MIS18BP1: variants seen among roughly 807,000 people sequenced by gnomAD.
MIS18BP1 encodes the protein mis18-binding protein 1.
A neutral mutation model predicts 116.1 loss-of-function variants in MIS18BP1; 72 were observed. That is an observed-to-expected ratio of 0.62 (90% CI 0.51 to 0.75). The LOEUF is 0.75. Among genes scored for constraint, MIS18BP1 ranks in the 30% least tolerant of loss-of-function variants. The pLI is 0.00. For missense variants in MIS18BP1, 1,363 were observed against 1,303.2 expected, an observed-to-expected ratio of 1.05 and a Z score of -0.71; for synonymous variants, 386 against 427.0, an observed-to-expected ratio of 0.90 and a Z score of 1.18.
chr14:45,208,489 C>T (rs547471994), intron 14 of MIS18BP1, among the ~76,000 whole-genome samples: 1 of 152,140 alleles, frequency 6.6e-6, no homozygotes, highest in East Asian at 1.9e-4. Context: ...CACACCACCA[C>T]ATCCGGCTAA....
At position 45,242,873 on chromosome 14, in the gene MIS18BP1, G is replaced by A. The variant is rs1891622759; in HGVS notation, c.546C>T (p.Ala182=). 1.3e-6 allele frequency: 2 copies of A among 1,570,050 alleles called. No individual in the cohort carries two copies. The highest frequency in any genetic ancestry group is 1.4e-5 in the African/African-American group (1 of 72,636). Residue 182 remains alanine (A), a splice_region_variant and synonymous_variant, in exon 3 of 17, where the codon GCC becomes GCT. Transcript: ENST00000310806. ...SFQSDDSSLR[A]SVQGVPLESS... ...ATTCTAGAGGAACTCCTTGGACTGA[G>A]GCTAAGGTTTTATTTTTTAAAGAAA...
At chr14:45,242,911 T>C (rs762808484) in intron 2 of MIS18BP1, 37 bp from the exon 3 acceptor site, 40 of 1,379,290 alleles carry the variant, frequency 2.9e-5, no homozygotes, top group Admixed American at 8.6e-5. Flanking sequence ...AGAAGTTGAA[T>C]TGTATTAGTC....
intron 11 of MIS18BP1, among the ~76,000 whole-genome samples, chr14:45,218,965 A>AG: frequency 6.6e-6 from 1 of 152,134 alleles, no homozygotes; most frequent in East Asian, 1.9e-4. Context: ...CTCTTAATTA[A>AG]GGAAAATGAA....
chr14:45,240,807 CAGG>C (rs1891555259), intron 4 of MIS18BP1, among the ~76,000 whole-genome samples: 2 of 151,928 alleles, frequency 1.3e-5, no homozygotes, highest in Admixed American at 6.6e-5. Context: ...GAGGCTGAGG[CAGG>C]AGATTTGCAT....
chr14:45,252,299 G>C (rs779843933), intron 1 of MIS18BP1, among the ~76,000 whole-genome samples: 1 of 152,124 alleles, frequency 6.6e-6, no homozygotes, highest in Non-Finnish European at 1.5e-5. Context: ...TTTACTCTAT[G>C]TATTCAATAA....
rs762043001 is a variant in MIS18BP1 at position 45,223,958 on chromosome 14, C to T, written c.2629G>A (p.Asp877Asn). ...AACTCCTTCTCATTCCATTCCTTAT[C>T]CTGAATTAAACCAGGTAAGCATTCT... Reference protein sequence around the residue: ...PLECLPGLIQDKEWNEKELQK... With the variant: ...PLECLPGLIQNKEWNEKELQK... The change falls in exon 11 of 17, where the codon GAT becomes AAT. Residue 877 changes from aspartate (D) to asparagine (N), a missense_variant. Transcript: ENST00000310806. 16 of 1,598,038 alleles carry T rather than the reference C, an allele frequency of 1.0e-5. No individual in the cohort carries two copies. Among genetic ancestry groups the T allele is most frequent in the African/African-American group, 1.4e-5 (1 of 73,770 alleles).
intron 6 of MIS18BP1, 90 bp from the exon 7 acceptor site, chr14:45,232,910 G>T: frequency 1.5e-6 from 1 of 658,552 alleles, no homozygotes; most frequent in African/African-American, 1.8e-5. Flanking sequence ...CAAGAAATAT[G>T]CACCTATTGC....
intron 6 of MIS18BP1, among the ~76,000 whole-genome samples, chr14:45,233,596 T>C (rs1376592493): frequency 1.3e-5 from 2 of 152,144 alleles, no homozygotes; most frequent in Non-Finnish European, 2.9e-5. Context: ...GAGGAAAGTC[T>C]GGACTACAGT....
chr14:45,251,660 G>T (rs1197750101), intron 1 of MIS18BP1, among the ~76,000 whole-genome samples: 1 of 151,410 alleles, frequency 6.6e-6, no homozygotes, highest in Non-Finnish European at 1.5e-5. Context: ...TATGACAAAG[G>T]GCTAATTTAA....
chr14:45,244,884 C>T (rs1162413362), intron 2 of MIS18BP1, among the ~76,000 whole-genome samples: 2 of 152,174 alleles, frequency 1.3e-5, no homozygotes, highest in Non-Finnish European at 2.9e-5. Context: ...TCTGGTCAAA[C>T]CGCTAATGAT....
At chr14:45,226,677 C>A in intron 10 of MIS18BP1, 66 bp downstream of exon 10, 1 of 1,186,058 alleles carries the variant, frequency 8.4e-7, no homozygotes, top group Non-Finnish European at 1.1e-6. Context: ...TCACTTTTAT[C>A]ATATTAAAAA....
chr14:45,234,609 T>C (rs562956886), intron 6 of MIS18BP1, among the ~76,000 whole-genome samples: 3 of 152,320 alleles, frequency 2.0e-5, no homozygotes, highest in Admixed American at 6.5e-5. Flanking sequence ...ATTGGAGATT[T>C]GTCAAAATAT....
In MIS18BP1 at chr14:45,224,404, A is replaced by G; in HGVS notation, c.2183T>C (p.Ile728Thr). ...DLLTVNRKIK[I>T]SNLEKEQMLT... is the part of the protein sequence containing the mutation. ...CATTTGTTCCTTTTCAAGGTTAGAT[A>G]TTTTTATTTTCCGGTTGACAGTAAG... Residue 728 changes from isoleucine (I) to threonine (T), a missense_variant, in exon 11 of 17, where the codon ATA (isoleucine) becomes ACA (threonine). By Grantham distance (89) the Ile-to-Thr change is moderately conservative. Transcript: ENST00000310806. 1 of 1,613,706 alleles carries G rather than the reference A, an allele frequency of 6.2e-7. No homozygotes were observed. The highest frequency in any genetic ancestry group is 8.5e-7 in the Non-Finnish European group (1 of 1,179,914).
chr14:45,251,562 C>T (rs1043037625), intron 1 of MIS18BP1, among the ~76,000 whole-genome samples: 1 of 151,930 alleles, frequency 6.6e-6, no homozygotes, highest in African/African-American at 2.4e-5. Context: ...CCAGAGCACA[C>T]TAACCAAAAC....
chr14:45,217,765 G>A (rs1890863661), intron 12 of MIS18BP1, among the ~76,000 whole-genome samples: 1 of 152,092 alleles, frequency 6.6e-6, no homozygotes, highest in Non-Finnish European at 1.5e-5. Context: ...AAGAATGACT[G>A]CCTCTACATT....
chr14:45,251,819 A>G (rs1034587815), intron 1 of MIS18BP1, among the ~76,000 whole-genome samples: 2 of 152,322 alleles, frequency 1.3e-5, no homozygotes, highest in East Asian at 1.9e-4. Flanking sequence ...GATGCAAACT[A>G]AAACAGTGAG....
intron 12 of MIS18BP1, among the ~76,000 whole-genome samples, chr14:45,217,598 ATCT>A (rs1890857838): frequency 6.6e-6 from 1 of 151,756 alleles, no homozygotes; most frequent in South Asian, 2.1e-4. Context: ...GGTTAAAAAG[ATCT>A]TCTCTTTTTT....
At position 45,217,136 on chromosome 14, in the gene MIS18BP1, A is replaced by C. The variant is rs1329125198; in HGVS notation, c.2886T>G (p.Thr962=). ...DADQKQTIKI[T]AKVGTLKRKQ... is the part of the protein sequence containing the mutation. Reference sequence around the variant, plus strand: ...TCCTTTTAAGAGTTCCCACTTTGGCAGTTATCTTAATAGTTTGTTTCTGAT... The same window carrying C: ...TCCTTTTAAGAGTTCCCACTTTGGCCGTTATCTTAATAGTTTGTTTCTGAT... The change falls in exon 13 of 17, where the codon ACT becomes ACG. Residue 962 remains threonine (T), a synonymous_variant. Transcript: ENST00000310806. The C allele has an allele frequency of 6.2e-7, 1 of 1,614,148 alleles. No individual in the cohort carries two copies. Among genetic ancestry groups the C allele is most frequent in the East Asian group, 2.2e-5 (1 of 44,868 alleles).
chr14:45,241,961 A>G, intron 4 of MIS18BP1, 73 bp downstream of exon 4: 2 of 1,453,168 alleles, frequency 1.4e-6, no homozygotes, highest in Non-Finnish European at 9.2e-7. Context: ...ATAATGAGAG[A>G]ACATTAAAAG....
Sources: allele counts gnomAD v4.1 joint callset (sites outside exome capture counted in the v4.1 genomes callset), GRCh38; gene constraint gnomAD v4.1.1; transcripts MANE v1.5; gene names NCBI Gene and HGNC (gene_info 2026-07-23, HGNC 2026-07-21).